Variants in ANKRD30BL observed in about 807,000 individuals in gnomAD.
ANKRD30BL encodes the protein ankyrin repeat domain 30B like, also known as putative ankyrin repeat domain-containing protein 30B-like.
In ANKRD30BL, 20 loss-of-function variants were observed where a neutral mutation model predicts 18.4. The observed-to-expected ratio is 1.09, with a 90% CI of 0.77 to 1.58. ANKRD30BL has a LOEUF of 1.58. Among genes scored for constraint, ANKRD30BL ranks in the 40% most tolerant of loss-of-function variants. The probability of loss-of-function intolerance (pLI) is 0.00; values close to 1 mark genes in which losing one functional copy is unlikely to be tolerated. For synonymous variants in ANKRD30BL, 72 were observed against 100.9 expected (o/e 0.71, Z 1.72); for missense variants, 224 against 268.6 (o/e 0.83, Z 1.16).
intron 1 of ANKRD30BL, among the ~76,000 whole-genome samples, chr2:132,193,768 CAAGAGGTAGAAACAGG>C (rs1678906002): frequency 6.6e-6 from 1 of 151,160 alleles, no homozygotes; most frequent in Non-Finnish European, 1.5e-5. Flanking sequence ...GTTCAGAAAA[CAAGAGGTAGAAACAGG>C]AATGTCCCTA....
At chr2:132,225,248 G>C (rs920133437) in intron 1 of ANKRD30BL, among the ~76,000 whole-genome samples, 1 of 151,712 alleles carries the variant, frequency 6.6e-6, no homozygotes, top group Non-Finnish European at 1.5e-5. Context: ...GAGCAGGTTT[G>C]AAACACTTTT....
At chr2:132,171,104 G>T (rs1688272221) in intron 1 of ANKRD30BL, among the ~76,000 whole-genome samples, 1 of 148,398 alleles carries the variant, frequency 6.7e-6, no homozygotes, top group Non-Finnish European at 1.5e-5. Flanking sequence ...GCAGTGAGCC[G>T]AGATCGCACC....
At chr2:132,235,709 A>G (rs1379132548) in intron 1 of ANKRD30BL, among the ~76,000 whole-genome samples, 1 of 152,170 alleles carries the variant, frequency 6.6e-6, no homozygotes, top group Non-Finnish European at 1.5e-5. Context: ...GAATGGAAGA[A>G]CATTCCATGC....
chr2:132,222,439 G>C (rs897528522), intron 1 of ANKRD30BL, among the ~76,000 whole-genome samples: 1 of 152,112 alleles, frequency 6.6e-6, no homozygotes, highest in Non-Finnish European at 1.5e-5. Context: ...TGGTTGCCGG[G>C]TCTGTGTGGA....
At chr2:132,250,747 T>C (rs1241899268) in intron 1 of ANKRD30BL, among the ~76,000 whole-genome samples, 1 of 152,212 alleles carries the variant, frequency 6.6e-6, no homozygotes, top group Non-Finnish European at 1.5e-5. Context: ...ACTGAACTAC[T>C]TATGTTTCTG....
intron 1 of ANKRD30BL, among the ~76,000 whole-genome samples, chr2:132,196,958 A>G (rs573164616): frequency 6.6e-6 from 1 of 152,388 alleles, no homozygotes; most frequent in Admixed American, 6.5e-5. Context: ...CCAGTCAAGA[A>G]AGTCCCCAAC....
At chr2:132,231,650 C>T (rs903530708) in intron 1 of ANKRD30BL, among the ~76,000 whole-genome samples, 2 of 152,190 alleles carry the variant, frequency 1.3e-5, no homozygotes, top group Non-Finnish European at 2.9e-5. Flanking sequence ...AAACGGCACA[C>T]CACGAGATTA....
intron 5 of ANKRD30BL, 103 bp downstream of exon 5, chr2:132,150,809 A>G: frequency 2.2e-6 from 1 of 444,662 alleles, no homozygotes; most frequent in Non-Finnish European, 4.0e-6. Context: ...ATATGTAAAC[A>G]CATGCTACTT....
At chr2:132,206,014 C>T (rs527743728) in intron 1 of ANKRD30BL, among the ~76,000 whole-genome samples, 99 of 151,892 alleles carry the variant, frequency 6.5e-4, no homozygotes, top group African/African-American at 2.2e-3. Flanking sequence ...AAAAATTAAA[C>T]GGGCATGGTG....
intron 1 of ANKRD30BL, among the ~76,000 whole-genome samples, chr2:132,172,313 G>A (rs1688296691): frequency 6.6e-6 from 1 of 152,188 alleles, no homozygotes. Context: ...GTCCACAGAA[G>A]CTACACCATT....
At chr2:132,201,125 A>C (rs903376127) in intron 1 of ANKRD30BL, among the ~76,000 whole-genome samples, 42 of 152,106 alleles carry the variant, frequency 2.8e-4, no homozygotes, top group Non-Finnish European at 4.4e-5. Flanking sequence ...CCTTCCTTAC[A>C]CCTTATACAA....
chr2:132,179,867 A>T (rs1444230240), intron 1 of ANKRD30BL, among the ~76,000 whole-genome samples: 1 of 152,190 alleles, frequency 6.6e-6, no homozygotes, highest in Admixed American at 6.6e-5. Flanking sequence ...GTAACACAAA[A>T]ATTAAAAATT....
At chr2:132,193,091 C>T (rs1678892447) in intron 1 of ANKRD30BL, among the ~76,000 whole-genome samples, 1 of 152,216 alleles carries the variant, frequency 6.6e-6, no homozygotes, top group Admixed American at 6.5e-5. Context: ...AAAGCACTCA[C>T]CACAGAAGAG....
intron 1 of ANKRD30BL, among the ~76,000 whole-genome samples, chr2:132,197,064 C>T (rs1678982749): frequency 1.3e-5 from 2 of 152,206 alleles, no homozygotes; most frequent in South Asian, 4.1e-4. Context: ...TCACTAAGGG[C>T]CCACTTTGAT....
At chr2:132,164,020 C>A (rs1032180370), upstream of ANKRD30BL, among the ~76,000 whole-genome samples, 1 of 152,184 alleles carries the variant, frequency 6.6e-6, no homozygotes, top group Non-Finnish European at 1.5e-5. Flanking sequence ...TCTTTTATCA[C>A]ATGATCATTC....
At chr2:132,216,316 T>C (rs1679496505) in intron 1 of ANKRD30BL, among the ~76,000 whole-genome samples, 1 of 152,058 alleles carries the variant, frequency 6.6e-6, no homozygotes, top group Non-Finnish European at 1.5e-5. Flanking sequence ...AAGTTGATAT[T>C]TGGAGCACTT....
chr2:132,253,413 C>G (rs1680720033), intron 1 of ANKRD30BL: 1 of 152,524 alleles, frequency 6.6e-6, no homozygotes, highest in Non-Finnish European at 1.5e-5. Flanking sequence ...AGCAACTGGA[C>G]CAGACTCCAG....
chr2:132,254,720 G>A lies in ANKRD30BL; in HGVS notation n.441+2809C>T, dbSNP rs558271659. ...GGACATTTAAGGGCATCACAGACCT[G>A]TTATTGCTCAATCTCAGGTGGCTGA... On this transcript the variant is annotated intron_variant and non_coding_transcript_variant, in intron 1 of 4. Transcript: ENST00000470729. Among the ~76,000 whole-genome samples the A allele has an allele frequency of 4.3e-3, 652 of 152,346 alleles. 9 individuals are homozygous for A. The highest frequency in any genetic ancestry group is 0.015 in the African/African-American group (625 of 41,576).
chr2:132,203,126 C>T (rs1274610868), intron 1 of ANKRD30BL, among the ~76,000 whole-genome samples: 1 of 152,270 alleles, frequency 6.6e-6, no homozygotes. Flanking sequence ...GAAATAAAAA[C>T]TTAAAAGGCA....
Sources: allele counts gnomAD v4.1 joint callset (sites outside exome capture counted in the v4.1 genomes callset), GRCh38; gene constraint gnomAD v4.1.1; transcripts MANE v1.5; gene names NCBI Gene and HGNC (gene_info 2026-07-23, HGNC 2026-07-21).